CYP2C18: variants seen among roughly 807,000 people sequenced by gnomAD.
The protein encoded by CYP2C18 is cytochrome P450 family 2 subfamily C member 18.
CYP2C18 carries 38 observed loss-of-function variants against 41.3 expected under a neutral mutation model. The ratio of observed to expected loss-of-function variants is 0.92; its 90% CI spans 0.71 to 1.21. CYP2C18 has a LOEUF of 1.21. Among genes scored for constraint, CYP2C18 ranks in the 50% most tolerant of loss-of-function variants. CYP2C18 has a pLI of 0.00. For missense variants in CYP2C18, 635 were observed against 591.4 expected (o/e 1.07, Z -0.77); for synonymous variants, 236 against 210.0 (o/e 1.12, Z -1.07).
intron 4 of CYP2C18, 133 bp downstream of exon 4, chr10:94,695,210 G>A (rs779069616): frequency 1.9e-5 from 14 of 750,664 alleles, no homozygotes; most frequent in Non-Finnish European, 2.8e-5. Flanking sequence ...TGTCACATGG[G>A]TATACATGTG....
intron 3 of CYP2C18, among the ~76,000 whole-genome samples, chr10:94,693,899 T>G (rs1847063488): frequency 6.6e-6 from 1 of 152,198 alleles, no homozygotes; most frequent in African/African-American, 2.4e-5. Flanking sequence ...CATTTCAGTA[T>G]GAGATTTGAA....
At chr10:94,699,663 A>G (rs1212685945) in intron 4 of CYP2C18, among the ~76,000 whole-genome samples, 1 of 152,178 alleles carries the variant, frequency 6.6e-6, no homozygotes, top group Non-Finnish European at 1.5e-5. Context: ...AAAATATTCA[A>G]TTAGTAAAGG....
chr10:94,689,218 T>TA (rs1363345305), intron 3 of CYP2C18, among the ~76,000 whole-genome samples: 1 of 152,210 alleles, frequency 6.6e-6, no homozygotes. Context: ...TGCCAAGTTA[T>TA]AAAATGTTTA....
intron 4 of CYP2C18, among the ~76,000 whole-genome samples, chr10:94,704,420 A>G (rs1331425666): frequency 6.7e-6 from 1 of 149,908 alleles, no homozygotes; most frequent in Non-Finnish European, 1.5e-5. Flanking sequence ...TCTTTTCTTT[A>G]GCGTATGTTC....
intron 6 of CYP2C18, among the ~76,000 whole-genome samples, chr10:94,720,864 A>T (rs1310869587): frequency 1.3e-5 from 2 of 152,120 alleles, no homozygotes; most frequent in Admixed American, 6.6e-5. Context: ...TTGGCCTAGG[A>T]TTGTATGTTG....
In CYP2C18 at chr10:94,728,589, G is replaced by A. The variant is rs887395469; in HGVS notation, c.1149+4056G>A. ...CATCTCTGATGAAGAGTTCCCCCACGTGTTTTAACTAAAAGAAACATATAG... is the reference window on the plus strand; with the variant it reads ...CATCTCTGATGAAGAGTTCCCCCACATGTTTTAACTAAAAGAAACATATAG... On this transcript the variant is annotated intron_variant, in intron 7 of 8. Transcript: ENST00000285979. 13 of 955,412 alleles carry A rather than the reference G, an allele frequency of 1.4e-5. No individual in the cohort carries two copies. In the African/African-American group the frequency reaches 1.9e-4, roughly 14 times the overall value. The allele number at this position is 955,412 out of a possible 1,614,324, so 59.2% of individuals were successfully genotyped here. A position where few individuals can be genotyped will look rare whatever the true frequency, so the allele number is the denominator to read the frequency against.
chr10:94,718,196 C>A (rs920722724), intron 5 of CYP2C18, among the ~76,000 whole-genome samples: 1 of 151,670 alleles, frequency 6.6e-6, no homozygotes, highest in Non-Finnish European at 1.5e-5. Flanking sequence ...TACTTTATTT[C>A]TTTGATGCTA....
intron 4 of CYP2C18, among the ~76,000 whole-genome samples, chr10:94,706,316 T>A (rs34829812): frequency 0.18 from 26,774 of 152,130 alleles, 2,608 homozygotes; most frequent in South Asian, 0.33. Flanking sequence ...TTTTATGGTA[T>A]CTTTGTACCC....
intron 4 of CYP2C18, among the ~76,000 whole-genome samples, chr10:94,700,433 A>C (rs1847214850): frequency 6.6e-6 from 1 of 152,222 alleles, no homozygotes; most frequent in Admixed American, 6.5e-5. Flanking sequence ...ATATGTAGAA[A>C]GCTGAAACTG....
intron 1 of CYP2C18, among the ~76,000 whole-genome samples, chr10:94,684,611 T>G (rs1846850335): frequency 6.6e-6 from 1 of 152,208 alleles, no homozygotes; most frequent in South Asian, 2.1e-4. Flanking sequence ...TGATGAACAC[T>G]TAGGTTGTTT....
chr10:94,724,590 G>A, intron 7 of CYP2C18, 57 bp downstream of exon 7: 2 of 1,474,536 alleles, frequency 1.4e-6, no homozygotes, highest in Admixed American at 1.7e-5. Flanking sequence ...CAAATTCATA[G>A]TATAGTCCCA....
At chr10:94,711,457 G>A (rs913825772) in intron 5 of CYP2C18, among the ~76,000 whole-genome samples, 8 of 151,968 alleles carry the variant, frequency 5.3e-5, no homozygotes, top group African/African-American at 1.9e-4. Flanking sequence ...CACCCAGGCT[G>A]GAATGCATTG....
At chr10:94,698,625 A>C (rs955613297) in intron 4 of CYP2C18, among the ~76,000 whole-genome samples, 9 of 152,224 alleles carry the variant, frequency 5.9e-5, no homozygotes, top group Non-Finnish European at 1.0e-4. Flanking sequence ...AGAAATAACT[A>C]AGATCAGAGC....
Position 94,720,454 on chromosome 10 carries a change from A to T in CYP2C18, c.878A>T (p.Asp293Val). 1.9e-6 allele frequency: 3 copies of T among 1,613,032 alleles called. No homozygotes were observed. The highest frequency in any genetic ancestry group is 2.5e-6 in the Non-Finnish European group (3 of 1,179,278). Residue 293 changes from aspartate to valine, a missense_variant, in exon 6 of 9, where the codon GAT becomes GTT. By Grantham distance (152) the Asp-to-Val change is radical. Coordinates refer to ENST00000285979, the MANE Select transcript of CYP2C18 (RefSeq NM_000772.3). ...GAAAGCTTGATAGCCACTGTAACTG[A>T]TATGTTTGGGGCTGGAACAGAGACA... is the stretch of plus-strand genomic sequence containing the variant. ...TVESLIATVT[D>V]MFGAGTETTS...
chr10:94,733,506 A>G, intron 8 of CYP2C18, 68 bp downstream of exon 8: 2 of 1,593,220 alleles, frequency 1.3e-6, no homozygotes, highest in Non-Finnish European at 1.7e-6. Flanking sequence ...GTTGACTCTT[A>G]CATGATGCCA....
intron 5 of CYP2C18, among the ~76,000 whole-genome samples, chr10:94,708,477 T>C (rs369136639): frequency 1.3e-5 from 2 of 152,186 alleles, no homozygotes; most frequent in African/African-American, 4.8e-5. Flanking sequence ...TCTATGGTGT[T>C]TCAGTGACCA....
At chr10:94,686,706 G>A (rs1353270663) in intron 1 of CYP2C18, among the ~76,000 whole-genome samples, 1 of 152,092 alleles carries the variant, frequency 6.6e-6, no homozygotes, top group Non-Finnish European at 1.5e-5. Context: ...TACTTCCTGT[G>A]GAGTATGTTT....
intron 1 of CYP2C18, among the ~76,000 whole-genome samples, chr10:94,684,457 C>T (rs563049975): frequency 6.6e-6 from 1 of 152,192 alleles, no homozygotes; most frequent in South Asian, 2.1e-4. Context: ...ATGATATTTG[C>T]CTCTCTCTGC....
intron 5 of CYP2C18, among the ~76,000 whole-genome samples, chr10:94,714,862 G>A (rs1387426138): frequency 1.3e-5 from 2 of 152,068 alleles, no homozygotes; most frequent in Admixed American, 6.6e-5. Context: ...ATTGAGCAGT[G>A]GTTTGTAGTT....
Sources: allele counts gnomAD v4.1 joint callset (sites outside exome capture counted in the v4.1 genomes callset), GRCh38; gene constraint gnomAD v4.1.1; transcripts MANE v1.5; gene names NCBI Gene and HGNC (gene_info 2026-07-23, HGNC 2026-07-21).